SLC24A2: variants seen among roughly 807,000 people sequenced by gnomAD.
SLC24A2 encodes sodium/potassium/calcium exchanger 2.
A neutral mutation model predicts 62.0 loss-of-function variants in SLC24A2; 36 were observed. The ratio of observed to expected loss-of-function variants is 0.58; its 90% CI spans 0.44 to 0.77. The LOEUF is 0.77. Ranked by LOEUF, SLC24A2 falls within the 30% of genes least tolerant of loss-of-function variation. SLC24A2 has a pLI of 0.00. For missense variants in SLC24A2, 846 were observed against 817.9 expected, an observed-to-expected ratio of 1.03 and a Z score of -0.42; for synonymous variants, 358 against 294.0, an observed-to-expected ratio of 1.22 and a Z score of -2.23.
the SLC24A2 span, among the ~76,000 whole-genome samples, chr9:20,002,801 G>C: frequency 6.6e-6 from 1 of 152,180 alleles, no homozygotes; most frequent in Non-Finnish European, 1.5e-5. Context: ...CCCATGTCTG[G>C]TGGTTTCAGG....
the SLC24A2 span, among the ~76,000 whole-genome samples, chr9:19,834,181 A>T: frequency 6.6e-6 from 1 of 152,208 alleles, no homozygotes; most frequent in Non-Finnish European, 1.5e-5. Context: ...CTCCTCCTCC[A>T]AAGGAACGCA....
chr9:20,293,500 A>C, the SLC24A2 span, among the ~76,000 whole-genome samples: 5 of 152,144 alleles, frequency 3.3e-5, no homozygotes, highest in African/African-American at 4.8e-5. Context: ...CTGTGGCCAA[A>C]AAAGCCCAGG....
At chr9:19,840,244 C>T in the SLC24A2 span, among the ~76,000 whole-genome samples, 3,279 of 152,252 alleles carry the variant, frequency 0.022, 56 homozygotes, top group Non-Finnish European at 0.031. Context: ...GTAAACACTA[C>T]TATTTCCCTA....
the SLC24A2 span, among the ~76,000 whole-genome samples, chr9:19,934,806 G>A: frequency 6.6e-6 from 1 of 152,136 alleles, no homozygotes; most frequent in Non-Finnish European, 1.5e-5. The surrounding 1 kb of genome is among the most constrained non-coding windows in gnomAD (Gnocchi z 4.1). Flanking sequence ...GGGCGTGGCG[G>A]GGAGGGCAAG....
At chr9:19,779,841 T>C (rs7027968) in intron 2 of SLC24A2, among the ~76,000 whole-genome samples, 6 of 152,036 alleles carry the variant, frequency 3.9e-5, no homozygotes, top group Non-Finnish European at 5.9e-5. Context: ...GGGAGGATCA[T>C]GAGGTCAGGA....
At chr9:19,827,251 T>G in the SLC24A2 span, among the ~76,000 whole-genome samples, 3 of 152,172 alleles carry the variant, frequency 2.0e-5, 1 homozygote, top group South Asian at 6.2e-4. Context: ...GAGATAAGTA[T>G]ATGAAGCTCT....
chr9:19,789,300 C>G (rs181309488), upstream of SLC24A2, among the ~76,000 whole-genome samples: 1 of 152,254 alleles, frequency 6.6e-6, no homozygotes, highest in Non-Finnish European at 1.5e-5. Flanking sequence ...GCCTAATTCA[C>G]AAAGCCTGAA....
the SLC24A2 span, among the ~76,000 whole-genome samples, chr9:19,835,647 G>A: frequency 6.6e-6 from 1 of 152,168 alleles, no homozygotes; most frequent in Admixed American, 6.5e-5. Flanking sequence ...ATACCCCACT[G>A]TCAACATTAG....
the SLC24A2 span, among the ~76,000 whole-genome samples, chr9:19,803,997 G>T: frequency 6.6e-6 from 1 of 152,150 alleles, no homozygotes; most frequent in Admixed American, 6.6e-5. Context: ...AAGAAGAAAT[G>T]ATATTGACAA....
At chr9:20,241,081 A>T in the SLC24A2 span, among the ~76,000 whole-genome samples, 1 of 152,248 alleles carries the variant, frequency 6.6e-6, no homozygotes, top group South Asian at 2.1e-4. Context: ...TGAAGATGTG[A>T]TATGAAATAA....
chr9:19,762,668 A>G (rs1228510154), intron 2 of SLC24A2, among the ~76,000 whole-genome samples: 1 of 151,944 alleles, frequency 6.6e-6, no homozygotes, highest in Non-Finnish European at 1.5e-5. Context: ...ATTGGTCTAT[A>G]TATCTGTTTT....
At chr9:20,111,412 G>T in the SLC24A2 span, among the ~76,000 whole-genome samples, 4 of 152,092 alleles carry the variant, frequency 2.6e-5, no homozygotes, top group Non-Finnish European at 5.9e-5. Context: ...GGTGTTATTA[G>T]CCTAGAGGCA....
chr9:19,825,738 G>C, the SLC24A2 span, among the ~76,000 whole-genome samples: 4 of 152,014 alleles, frequency 2.6e-5, no homozygotes, highest in Admixed American at 6.6e-5. Context: ...TCTTGCACTA[G>C]AACAGATTTT....
chr9:19,690,740 T>C (rs1467357182), intron 2 of SLC24A2, among the ~76,000 whole-genome samples: 2 of 152,172 alleles, frequency 1.3e-5, no homozygotes, highest in African/African-American at 2.4e-5. Flanking sequence ...CAAGTGATTC[T>C]GTAGGCTTTT....
the SLC24A2 span, among the ~76,000 whole-genome samples, chr9:19,801,926 T>G: frequency 6.6e-6 from 1 of 152,246 alleles, no homozygotes; most frequent in Non-Finnish European, 1.5e-5. Context: ...TTATTAAAGA[T>G]AATTCTCTTG....
At chr9:19,740,871 CAA>C (rs35585142) in intron 2 of SLC24A2, among the ~76,000 whole-genome samples, 2 of 139,422 alleles carry the variant, frequency 1.4e-5, no homozygotes, top group Non-Finnish European at 3.1e-5. Context: ...TAAAAAGGAC[CAA>C]AAAAAAAAAA....
At chr9:20,000,602 C>A in the SLC24A2 span, among the ~76,000 whole-genome samples, 36,318 of 152,122 alleles carry the variant, frequency 0.24, 5,257 homozygotes, top group East Asian at 0.41. Context: ...CAGTGAAGAT[C>A]AGGAACTCAC....
At chr9:19,804,652 G>A in the SLC24A2 span, among the ~76,000 whole-genome samples, 1 of 152,022 alleles carries the variant, frequency 6.6e-6, no homozygotes, top group African/African-American at 2.4e-5. Context: ...TAATTGCACT[G>A]GTTAGAACCT....
the SLC24A2 span, among the ~76,000 whole-genome samples, chr9:20,205,242 G>GT: frequency 1.3e-5 from 2 of 151,836 alleles, no homozygotes; most frequent in Non-Finnish European, 2.9e-5. Context: ...AGCATGATGG[G>GT]TTTTTTTTCC....
Sources: allele counts gnomAD v4.1 joint callset (sites outside exome capture counted in the v4.1 genomes callset), GRCh38; gene constraint gnomAD v4.1.1; non-coding constraint Gnocchi (gnomAD v3.1); transcripts MANE v1.5; gene names NCBI Gene and HGNC (gene_info 2026-07-23, HGNC 2026-07-21).